ACSF3: variants seen among roughly 807,000 people sequenced by gnomAD.
The protein encoded by ACSF3 is malonate--CoA ligase ACSF3, mitochondrial.
In ACSF3, 78 loss-of-function variants were observed where a neutral mutation model predicts 53.2. The observed-to-expected ratio is 1.47, with a 90% confidence interval of 1.22 to 1.77. The LOEUF is 1.77. ACSF3 is among the 40% of genes most tolerant of loss of function. The pLI, the probability that ACSF3 is intolerant of heterozygous loss-of-function variation, is 0.00. For missense variants in ACSF3, 937 were observed against 771.1 expected (o/e 1.22, Z -2.55); for synonymous variants, 414 against 333.1 (o/e 1.24, Z -2.65).
At position 89,154,278 on chromosome 16, in the gene ACSF3, C is replaced by G. The variant is rs564285004; in HGVS notation, c.*71C>G. On this transcript the variant is annotated 3_prime_UTR_variant, in exon 11 of 11. Coordinates refer to ENST00000614302, the MANE Select transcript of ACSF3 (RefSeq NM_001243279.3). ...CCCTTCACACCGAGAACCACGGGGG[C>G]CCGTCCAAGACCTGGCCTCCCTTAA... is the stretch of plus-strand genomic sequence containing the variant. The G allele has an allele frequency of 6.2e-6, 9 of 1,443,958 alleles. No individual in the cohort carries two copies. The African/African-American group carries it at 1.3e-4, about 20-fold the overall frequency. 89.4% of individuals were successfully genotyped at this position (1,443,958 alleles called of 1,614,324 possible).
At chr16:89,097,180 GCGTGTGGTTAC>G (rs1222808083) in intron 1 of ACSF3, among the ~76,000 whole-genome samples, 4 of 152,134 alleles carry the variant, frequency 2.6e-5, no homozygotes, top group African/African-American at 9.7e-5. Flanking sequence ...CGTGTGCTCA[GCGTGTGGTTAC>G]CGTGTGCACA....
intron 8 of ACSF3, among the ~76,000 whole-genome samples, chr16:89,141,860 C>T (rs1911822804): frequency 6.6e-6 from 1 of 152,206 alleles, no homozygotes; most frequent in African/African-American, 2.4e-5. Flanking sequence ...CTGAGGGTCC[C>T]CTCATGCCAC....
Position 89,101,078 on chromosome 16 carries a change from C to T in ACSF3, c.397C>T (p.Gln133Ter), listed in dbSNP as rs1361800128. 4 of 1,614,098 alleles carry T rather than the reference C, an allele frequency of 2.5e-6. No individual in the cohort carries two copies. Among genetic ancestry groups the T allele is most frequent in the Middle Eastern group, 1.7e-4 (1 of 6,060 alleles). The change falls in exon 3 of 11, where the codon CAG becomes TAG. Residue 133 changes from glutamine to a stop codon, truncating the protein, a stop_gained. Coordinates refer to ENST00000614302, the MANE Select transcript of ACSF3 (RefSeq NM_001243279.3). LOFTEE classifies it high-confidence loss of function. Reference protein sequence around the residue: ...VPLYRKHPAAQLEYVICDSQS... With the variant: ...VPLYRKHPAA Reference sequence around the variant, plus strand: ...CCTCTACAGGAAGCATCCCGCGGCCCAGCTGGAGTATGTCATCTGCGACTC... The same window carrying T: ...CCTCTACAGGAAGCATCCCGCGGCCTAGCTGGAGTATGTCATCTGCGACTC...
intron 7 of ACSF3, among the ~76,000 whole-genome samples, chr16:89,126,758 G>C (rs1216098501): frequency 1.3e-5 from 2 of 152,208 alleles, no homozygotes; most frequent in Non-Finnish European, 2.9e-5. Context: ...AATACAAACA[G>C]TTTTATTTCT....
rs753339356 is a variant in ACSF3 at position 89,100,920 on chromosome 16, A to C, written c.239A>C (p.Gln80Pro). 1.2e-6 allele frequency: 2 copies of C among 1,613,868 alleles called. No homozygotes were observed. The highest frequency in any genetic ancestry group is 2.7e-5 in the African/African-American group (2 of 75,064). Residue 80 changes from glutamine to proline, a missense_variant, in exon 3 of 11, where the codon CAG (glutamine) becomes CCG (proline). Gln to Pro is a moderately conservative substitution (Grantham distance 76). Coordinates refer to ENST00000614302, the MANE Select transcript of ACSF3 (RefSeq NM_001243279.3). ...TATTCCCGCAGCCTTCGCCTGTCCC[A>C]GGAGATCTGCAGGCTCTGCGGGTGT... The part of the protein sequence containing the change: ...ELYSRSLRLS[Q>P]EICRLCGCVG...
intron 1 of ACSF3, among the ~76,000 whole-genome samples, chr16:89,096,702 T>C (rs1207432280): frequency 6.6e-6 from 1 of 152,108 alleles, no homozygotes; most frequent in African/African-American, 2.4e-5. Flanking sequence ...ACACCCCGAG[T>C]GAACACAGCT....
chr16:89,102,280 C>T, intron 3 of ACSF3: 1 of 414,948 alleles, frequency 2.4e-6, no homozygotes, highest in Non-Finnish European at 4.6e-6. Context: ...CGCTGGGTCC[C>T]TGAGTCCCAG....
At position 89,114,393 on chromosome 16, in the gene ACSF3, G is replaced by A. The variant is rs747906365; in HGVS notation, c.1032G>A (p.Lys344=). 11 of 1,613,970 alleles carry A rather than the reference G, an allele frequency of 6.8e-6. No individual in the cohort carries two copies. In the Admixed American group the frequency reaches 1.3e-4, roughly 20 times the overall value. ...ALPLPVLEKW[K]NITGHTLLER... ...CCCTCCCAGTGCTGGAGAAGTGGAA[G>A]AACATCACGGGCCACACCCTGCTGG... Residue 344 remains lysine, a synonymous_variant, in exon 6 of 11, where the codon AAG becomes AAA. Transcript: ENST00000614302.
At chr16:89,138,590 C>T (rs1266902975) in intron 8 of ACSF3, among the ~76,000 whole-genome samples, 1 of 152,234 alleles carries the variant, frequency 6.6e-6, no homozygotes, top group Non-Finnish European at 1.5e-5. Context: ...CTGCCACGCT[C>T]AGCCAGGCTG....
rs1424265071 is a variant in ACSF3, at chr16:89,101,209, T to C, written c.528T>C (p.Thr176=). The stretch of plus-strand genomic sequence containing the variant: ...TGCCGCTCACACCAGCCATCTACAC[T>C]GGAGCAGTAGAGGAACCGGCAGAGG... ...PLLPLTPAIY[T]GAVEEPAEVP... is the part of the protein sequence containing the mutation. The change falls in exon 3 of 11, where the codon ACT becomes ACC. Residue 176 remains threonine (T), a synonymous_variant. Transcript: ENST00000614302. 1 of 1,606,180 alleles carries C rather than the reference T, an allele frequency of 6.2e-7. No homozygotes were observed. The highest frequency in any genetic ancestry group is 8.5e-7 in the Non-Finnish European group (1 of 1,176,676).
At chr16:89,124,788 A>G (rs72817479) in intron 7 of ACSF3, among the ~76,000 whole-genome samples, 53 of 15,004 alleles carry the variant, frequency 3.5e-3, no homozygotes, top group Non-Finnish European at 0.01. Flanking sequence ...CGCACACTGC[A>G]TGTGTGTGTG....
At chr16:89,150,962 C>G in intron 10 of ACSF3, 1 of 1,279,322 alleles carries the variant, frequency 7.8e-7, no homozygotes, top group South Asian at 1.2e-5. Context: ...GGAGTTCCAA[C>G]AAGAAGATAT....
At chr16:89,127,512 C>A (rs1018012967) in intron 7 of ACSF3, among the ~76,000 whole-genome samples, 7 of 152,044 alleles carry the variant, frequency 4.6e-5, no homozygotes, top group African/African-American at 1.7e-4. Flanking sequence ...CAGGCATGTG[C>A]CAACATGCCC....
At chr16:89,096,919 G>A (rs543894696) in intron 1 of ACSF3, among the ~76,000 whole-genome samples, 3 of 152,352 alleles carry the variant, frequency 2.0e-5, no homozygotes, top group South Asian at 2.1e-4. Context: ...TGGCAGGAGT[G>A]CCCACCCACA....
intron 8 of ACSF3, chr16:89,145,030 A>T: frequency 8.9e-7 from 1 of 1,125,318 alleles, no homozygotes; most frequent in Non-Finnish European, 1.3e-6. Flanking sequence ...CAGGAAGGGC[A>T]GACCCCACAT....
chr16:89,149,469 G>A (rs535708491), intron 10 of ACSF3: 1 of 152,360 alleles, frequency 6.6e-6, no homozygotes, highest in African/African-American at 2.4e-5. Context: ...TGCCACAGAA[G>A]GCACCCACAC....
At position 89,101,203 on chromosome 16, in the gene ACSF3, C is replaced by G. The variant is rs1456986518; in HGVS notation, c.522C>G (p.Ile174Met). The G allele has an allele frequency of 1.7e-5, 28 of 1,607,458 alleles. No individual in the cohort carries two copies. Among genetic ancestry groups the G allele is most frequent in the Non-Finnish European group, 2.2e-5 (26 of 1,177,200 alleles). ...GVPLLPLTPA[I>M]YTGAVEEPAE... ...CGCTGCTGCCGCTCACACCAGCCAT[C>G]TACACTGGAGCAGTAGAGGAACCGG... is the stretch of plus-strand genomic sequence containing the variant. The change falls in exon 3 of 11, where the codon ATC becomes ATG. Residue 174 changes from isoleucine to methionine, a missense_variant. Transcript: ENST00000614302.
At chr16:89,129,522 C>G (rs987274133) in intron 7 of ACSF3, among the ~76,000 whole-genome samples, 3 of 152,044 alleles carry the variant, frequency 2.0e-5, no homozygotes, top group Admixed American at 6.6e-5. Flanking sequence ...AAGCAAGTTT[C>G]TTATACACAG....
At chr16:89,126,517 C>T (rs900380187) in intron 7 of ACSF3, among the ~76,000 whole-genome samples, 7 of 152,230 alleles carry the variant, frequency 4.6e-5, no homozygotes, top group Non-Finnish European at 1.0e-4. Flanking sequence ...GATCTGCCCG[C>T]CTCGGCCTCC....
Sources: gnomAD v4.1 joint callset for allele counts (sites outside exome capture counted in the v4.1 genomes callset) on GRCh38, gnomAD v4.1.1 for gene constraint, MANE v1.5 for transcripts, NCBI Gene and HGNC (gene_info 2026-07-23, HGNC 2026-07-21) for gene names.